Variants in ALDH18A1 observed in about 807,000 individuals in gnomAD.
ALDH18A1 encodes the protein delta-1-pyrroline-5-carboxylate synthase.
ALDH18A1 carries 44 observed loss-of-function variants against 88.8 expected under a neutral mutation model. The ratio of observed to expected loss-of-function variants is 0.50; its 90% CI spans 0.39 to 0.64. The LOEUF (loss-of-function observed/expected upper bound fraction) is 0.64. Among genes scored for constraint, ALDH18A1 ranks in the 30% least tolerant of loss-of-function variants. The pLI is 0.00. For synonymous variants in ALDH18A1, 331 were observed against 372.1 expected (o/e 0.89, Z 1.27); for missense variants, 782 against 1,009.5 (o/e 0.77, Z 3.05).
intron 3 of ALDH18A1, 50 bp from the exon 4 acceptor site, chr10:95,637,486 T>G (rs776242163): frequency 6.2e-7 from 1 of 1,607,094 alleles, no homozygotes; most frequent in South Asian, 1.1e-5. Flanking sequence ...ACTGTCTCTT[T>G]CATCTCTTCA....
In ALDH18A1 at chr10:95,643,040, C is replaced by T. The variant is rs2097894802; in HGVS notation, c.255G>A (p.Gly85=). ...VKLGSAVVTR[G]DECGLALGRL... is the part of the protein sequence containing the mutation. ...GCCCCAGGGCCAGGCCACATTCATC[C>T]CCTCGGGTCACCACGGCACTGCCGA... Residue 85 remains glycine, a synonymous_variant, in exon 3 of 18, where the codon GGG becomes GGA. Transcript: ENST00000371224. The T allele has an allele frequency of 6.2e-7, 1 of 1,613,926 alleles. No individual in the cohort carries two copies. The highest frequency in any genetic ancestry group is 8.5e-7 in the Non-Finnish European group (1 of 1,179,916).
intron 10 of ALDH18A1, 108 bp downstream of exon 10, chr10:95,626,593 ACT>A (rs1416810390): frequency 1.3e-5 from 13 of 1,009,946 alleles, no homozygotes; most frequent in Non-Finnish European, 2.0e-5. Flanking sequence ...AACTCAGATA[ACT>A]CTGTGGCTCA....
chr10:95,633,996 A>G (rs550887007), intron 5 of ALDH18A1, among the ~76,000 whole-genome samples: 6 of 152,004 alleles, frequency 3.9e-5, no homozygotes, highest in Admixed American at 2.0e-4. Flanking sequence ...TAGTAGAGAC[A>G]GGGTTTCGCC....
chr10:95,631,694 T>C (rs1043308897), intron 7 of ALDH18A1, among the ~76,000 whole-genome samples: 1 of 137,304 alleles, frequency 7.3e-6, no homozygotes, highest in East Asian at 2.1e-4. Context: ...GGTGAGCCGA[T>C]ATTGTGCCAC....
chr10:95,618,310 T>C (rs895824599), intron 12 of ALDH18A1, among the ~76,000 whole-genome samples: 1 of 152,156 alleles, frequency 6.6e-6, no homozygotes, highest in East Asian at 1.9e-4. Flanking sequence ...TCAACTTGCT[T>C]AAAGAGGGTT....
At chr10:95,626,903 T>C (rs1463656437) in intron 9 of ALDH18A1, 127 bp from the exon 10 acceptor site, 3 of 925,214 alleles carry the variant, frequency 3.2e-6, no homozygotes, top group Non-Finnish European at 5.2e-6. Flanking sequence ...CATGATGTCT[T>C]GGTATGCTTG....
intron 5 of ALDH18A1, among the ~76,000 whole-genome samples, chr10:95,634,810 T>C (rs1047820368): frequency 2.6e-5 from 4 of 152,188 alleles, no homozygotes; most frequent in Non-Finnish European, 5.9e-5. Flanking sequence ...AGAAACTAAA[T>C]GGCAACAAAC....
At chr10:95,608,928 C>G (rs185324797) in intron 17 of ALDH18A1, among the ~76,000 whole-genome samples, 1 of 152,062 alleles carries the variant, frequency 6.6e-6, no homozygotes, top group African/African-American at 2.4e-5. Context: ...CAGGCTAGAG[C>G]GCAATGGTGC....
Position 95,628,358 on chromosome 10 carries a change from A to C in ALDH18A1, c.933+10T>G, listed in dbSNP as rs777483455. On this transcript the variant is annotated intron_variant, in intron 8 of 17. Transcript: ENST00000371224. The stretch of plus-strand genomic sequence containing the variant: ...AATTGTTATAGGCAGTTAAGGCACC[A>C]GATTCTTACCTTGGCTTCCATGCCA... 2 of 1,614,060 alleles carry C rather than the reference A, an allele frequency of 1.2e-6. No homozygotes were observed. Among genetic ancestry groups the C allele is most frequent in the Non-Finnish European group, 1.7e-6 (2 of 1,179,984 alleles).
intron 2 of ALDH18A1, among the ~76,000 whole-genome samples, 162 bp from the exon 3 acceptor site, chr10:95,643,368 G>A (rs756314586): frequency 4.6e-5 from 7 of 152,152 alleles, no homozygotes; most frequent in South Asian, 4.1e-4. Flanking sequence ...TCTATCTAGC[G>A]TATTCTTATT....
chr10:95,613,768 T>C lies in ALDH18A1; in HGVS notation c.1897A>G (p.Ile633Val), dbSNP rs2097839957. Residue 633 changes from isoleucine (I) to valine (V), a missense_variant, in exon 15 of 18, where the codon ATC becomes GTC. Ile to Val is a conservative substitution (Grantham distance 29). Transcript: ENST00000371224. The part of the protein sequence containing the change: ...DLLRTPLFDQ[I>V]IDMLRVEQVK... ...TGTTCCACTCTCAGCATATCAATGA[T>C]CTGGTCAAATAATGGTGTCCTGAGC... 1.9e-6 allele frequency: 3 copies of C among 1,614,056 alleles called. No homozygotes were observed. The highest frequency in any genetic ancestry group is 2.5e-6 in the Non-Finnish European group (3 of 1,180,048).
At chr10:95,641,962 A>G (rs1238356943) in intron 3 of ALDH18A1, among the ~76,000 whole-genome samples, 2 of 152,206 alleles carry the variant, frequency 1.3e-5, no homozygotes, top group Non-Finnish European at 2.9e-5. Flanking sequence ...TTGTAGAGAC[A>G]GGGTCTCACT....
Position 95,653,282 on chromosome 10 carries a change from G to C in ALDH18A1, c.88+8C>G. 1 of 1,604,736 alleles carries C rather than the reference G, an allele frequency of 6.2e-7. No individual in the cohort carries two copies. Among genetic ancestry groups the C allele is most frequent in the Non-Finnish European group, 8.5e-7 (1 of 1,173,374 alleles). The stretch of plus-strand genomic sequence containing the variant: ...CCCACATACTCATAAGTTTTCTATG[G>C]TACATACGAGATCTGAAGACGGTTG... On this transcript the variant is annotated splice_region_variant and intron_variant, in intron 2 of 17. Coordinates refer to ENST00000371224, the MANE Select transcript of ALDH18A1 (RefSeq NM_002860.4).
rs151071395 is a variant in ALDH18A1 at position 95,627,533 on chromosome 10, A to G, written c.987T>C (p.Asn329=). Residue 329 remains asparagine (N), a synonymous_variant, in exon 9 of 18, where the codon AAT becomes AAC. Coordinates refer to ENST00000371224, the MANE Select transcript of ALDH18A1 (RefSeq NM_002860.4). ...LQGGTSVVIA[N]GTHPKVSGHV... Reference sequence around the variant, plus strand: ...GCCCAGACACCTTTGGGTGGGTTCCATTGGCAATAACAACAGAAGTGCCAC... The same window carrying G: ...GCCCAGACACCTTTGGGTGGGTTCCGTTGGCAATAACAACAGAAGTGCCAC... The G allele has an allele frequency of 1.2e-5, 20 of 1,614,056 alleles. No individual in the cohort carries two copies. Among genetic ancestry groups the G allele is most frequent in the Non-Finnish European group, 1.5e-5 (18 of 1,180,012 alleles).
chr10:95,615,866 TC>T (rs990097895), intron 13 of ALDH18A1, among the ~76,000 whole-genome samples: 5 of 152,210 alleles, frequency 3.3e-5, no homozygotes, highest in African/African-American at 1.2e-4. Flanking sequence ...ATCTGTTTTT[TC>T]CCAATGTAGA....
chr10:95,654,046 AT>A (rs1378322032), intron 1 of ALDH18A1, among the ~76,000 whole-genome samples: 5 of 152,162 alleles, frequency 3.3e-5, no homozygotes, highest in Admixed American at 2.6e-4. Flanking sequence ...TAAGGCAGTT[AT>A]GGGCATTTCC....
intron 2 of ALDH18A1, among the ~76,000 whole-genome samples, chr10:95,650,122 T>C (rs1347637809): frequency 2.0e-5 from 3 of 152,140 alleles, no homozygotes; most frequent in East Asian, 1.9e-4. Context: ...ACTATCGAAC[T>C]TTCGGGAAAA....
intron 1 of ALDH18A1, among the ~76,000 whole-genome samples, chr10:95,653,970 T>A (rs902997427): frequency 1.3e-5 from 2 of 152,192 alleles, no homozygotes; most frequent in Non-Finnish European, 2.9e-5. Context: ...TGGCAATGCC[T>A]ACAACTGGCT....
At chr10:95,625,488 G>A (rs890059153) in intron 10 of ALDH18A1, 33 bp from the exon 11 acceptor site, 1 of 1,572,542 alleles carries the variant, frequency 6.4e-7, no homozygotes, top group Non-Finnish European at 8.7e-7. Flanking sequence ...AAAAAACAGA[G>A]ATGTTAATCC....
Sources: gnomAD v4.1 joint callset for allele counts (sites outside exome capture counted in the v4.1 genomes callset) on GRCh38, gnomAD v4.1.1 for gene constraint, MANE v1.5 for transcripts, NCBI Gene and HGNC (gene_info 2026-07-23, HGNC 2026-07-21) for gene names.